The following PKP4 variants were observed in gnomAD, a reference collection of about 807,000 sequenced individuals.
The protein encoded by PKP4 is plakophilin 4, also known as plakophilin-4.
A neutral mutation model predicts 145.1 loss-of-function variants in PKP4; 90 were observed. The observed-to-expected ratio is 0.62, with a 90% CI of 0.52 to 0.74. PKP4 has a LOEUF of 0.74. Ranked by LOEUF, PKP4 falls within the 30% of genes least tolerant of loss-of-function variation. PKP4 has a pLI of 0.00. For synonymous variants in PKP4, 563 were observed against 577.2 expected (o/e 0.98, Z 0.35); for missense variants, 1,340 against 1,482.7 (o/e 0.90, Z 1.58).
chr2:158,475,737 C>A (rs1692362885), intron 1 of PKP4, among the ~76,000 whole-genome samples: 1 of 151,972 alleles, frequency 6.6e-6, no homozygotes, highest in Admixed American at 6.6e-5. Context: ...GAAGTAAGAC[C>A]CATTTGTTCA....
chr2:158,663,914 C>T (rs1377770610), intron 15 of PKP4, among the ~76,000 whole-genome samples: 1 of 152,190 alleles, frequency 6.6e-6, no homozygotes, highest in Non-Finnish European at 1.5e-5. Context: ...ACAGGGACAA[C>T]AGGAGGAGGA....
chr2:158,608,798 T>C (rs1292705987), intron 4 of PKP4, among the ~76,000 whole-genome samples: 2 of 116,144 alleles, frequency 1.7e-5, no homozygotes, highest in Admixed American at 2.3e-4. Context: ...AATCTTATTT[T>C]CTTTTCTTTC....
intron 10 of PKP4, 74 bp from the exon 11 acceptor site, chr2:158,642,412 C>A: frequency 1.8e-6 from 2 of 1,092,546 alleles, no homozygotes; most frequent in Non-Finnish European, 2.7e-6. Context: ...GTGATCTCTC[C>A]ATAACGGACT....
chr2:158,491,343 C>T (rs1382929529), intron 1 of PKP4, among the ~76,000 whole-genome samples: 1 of 152,172 alleles, frequency 6.6e-6, no homozygotes, highest in African/African-American at 2.4e-5. Context: ...CTGATACTCT[C>T]TAGAATGGCT....
At chr2:158,603,647 G>A (rs1281814636) in intron 4 of PKP4, among the ~76,000 whole-genome samples, 1 of 152,068 alleles carries the variant, frequency 6.6e-6, no homozygotes, top group Non-Finnish European at 1.5e-5. Flanking sequence ...ATAAATCGTT[G>A]ATGTCTTCAT....
chr2:158,531,153 A>G (rs757126939), intron 1 of PKP4, among the ~76,000 whole-genome samples: 2 of 152,186 alleles, frequency 1.3e-5, no homozygotes, highest in Non-Finnish European at 2.9e-5. Context: ...ACAGTGATGT[A>G]ATACAATTAC....
chr2:158,473,715 C>A (rs1691980413), intron 1 of PKP4, among the ~76,000 whole-genome samples: 1 of 152,036 alleles, frequency 6.6e-6, no homozygotes, highest in African/African-American at 2.4e-5. Flanking sequence ...GGACTTAATT[C>A]CTGGGTGATG....
In PKP4 at chr2:158,474,178, G is replaced by A. The variant is rs6715094; in HGVS notation, c.-6+16960G>A. Among the ~76,000 whole-genome samples the A allele has an allele frequency of 7.9e-3, 1,199 of 152,246 alleles. 9 individuals are homozygous for A. The highest frequency in any genetic ancestry group is 0.028 in the African/African-American group (1,153 of 41,540). ...ACGACAGATATTCTGCGTTTTACACGTTTGCTGCCCCTAGAGGTCTGAGCA... is the reference window on the plus strand; with the variant it reads ...ACGACAGATATTCTGCGTTTTACACATTTGCTGCCCCTAGAGGTCTGAGCA... On this transcript the variant is annotated intron_variant, in intron 1 of 21. Transcript: ENST00000389759.
chr2:158,596,895 A>C (rs2049803527), intron 3 of PKP4, among the ~76,000 whole-genome samples: 1 of 152,210 alleles, frequency 6.6e-6, no homozygotes, highest in Non-Finnish European at 1.5e-5. Context: ...TATAGTTCAT[A>C]TTCCATACCT....
chr2:158,472,561 A>G (rs1296685310), intron 1 of PKP4, among the ~76,000 whole-genome samples: 1 of 147,586 alleles, frequency 6.8e-6, no homozygotes, highest in African/African-American at 2.5e-5. Flanking sequence ...TGCAGTGAGC[A>G]GAGATCAAGC....
chr2:158,662,846 T>G lies in PKP4; in HGVS notation c.2212-51T>G, dbSNP rs770188409. ...CTGTAGTGTTCAGTACAGAAGTGTT[T>G]TGCTCTAATGTGCCGAGTTGTTTTT... is the stretch of plus-strand genomic sequence containing the variant. On this transcript the variant is annotated intron_variant, in intron 13 of 21. Coordinates refer to ENST00000389759, the MANE Select transcript of PKP4 (RefSeq NM_003628.6). The G allele has an allele frequency of 2.0e-6, 3 of 1,465,352 alleles. No homozygotes were observed. In the South Asian group the frequency reaches 3.8e-5, roughly 19 times the overall value. 90.8% of individuals were successfully genotyped at this position (1,465,352 alleles called of 1,614,324 possible). A position where few individuals can be genotyped will look rare whatever the true frequency, so the allele number is the denominator to read the frequency against.
At chr2:158,465,697 TG>T (rs1690502937) in intron 1 of PKP4, among the ~76,000 whole-genome samples, 1 of 152,198 alleles carries the variant, frequency 6.6e-6, no homozygotes, top group South Asian at 2.1e-4. Flanking sequence ...CTAGAATAAA[TG>T]GTCTCATTGA....
chr2:158,654,602 A>G lies in PKP4; in HGVS notation c.1910-3529A>G, dbSNP rs548766250. ...GATAGAATGGCAACTGGATTCTCCT[A>G]TCCCCGTAACTAAGATGGTGGTTTC... is the stretch of plus-strand genomic sequence containing the variant. On this transcript the variant is annotated intron_variant, in intron 11 of 21. Transcript: ENST00000389759. Among the ~76,000 whole-genome samples, 17 of 152,266 alleles carry G rather than the reference A, an allele frequency of 1.1e-4. No homozygotes were observed. In the South Asian group the frequency reaches 3.1e-3, roughly 28 times the overall value.
chr2:158,479,820 A>G (rs1462084156), intron 1 of PKP4, among the ~76,000 whole-genome samples: 1 of 152,212 alleles, frequency 6.6e-6, no homozygotes, highest in Non-Finnish European at 1.5e-5. Flanking sequence ...TTTCCAAGTC[A>G]TGACATGGAA....
intron 3 of PKP4, chr2:158,588,094 G>C (rs1317894727): frequency 6.6e-6 from 1 of 152,018 alleles, no homozygotes; most frequent in African/African-American, 2.4e-5. Flanking sequence ...TTCCATTGTT[G>C]AAGTTTTACA....
intron 1 of PKP4, among the ~76,000 whole-genome samples, chr2:158,513,059 A>G (rs2041648930): frequency 6.6e-6 from 1 of 152,134 alleles, no homozygotes; most frequent in East Asian, 1.9e-4. Flanking sequence ...GAGGGCAGGA[A>G]TCTGGGTTTT....
intron 1 of PKP4, among the ~76,000 whole-genome samples, chr2:158,459,624 T>G (rs1689447052): frequency 6.6e-6 from 1 of 152,190 alleles, no homozygotes; most frequent in Non-Finnish European, 1.5e-5. Flanking sequence ...GAGGTGTTTG[T>G]AAATGCCAAC....
chr2:158,641,033 C>A lies in PKP4; in HGVS notation c.1695+274C>A, dbSNP rs556697951. 7.2e-5 allele frequency among the ~76,000 whole-genome samples: 11 copies of A among 152,196 alleles called. 3 individuals are homozygous for A. The highest frequency in any genetic ancestry group is 2.6e-4 in the African/African-American group (11 of 41,542). On this transcript the variant is annotated intron_variant, in intron 10 of 21. Coordinates refer to ENST00000389759, the MANE Select transcript of PKP4 (RefSeq NM_003628.6). Reference sequence around the variant, plus strand: ...AACCATGAAGCAAAAATCAATTTAACTTGCATTTAAAAAATATTTTAGGCC... The same window carrying A: ...AACCATGAAGCAAAAATCAATTTAAATTGCATTTAAAAAATATTTTAGGCC...
At chr2:158,589,244 T>G (rs1039955840) in intron 3 of PKP4, among the ~76,000 whole-genome samples, 1 of 152,190 alleles carries the variant, frequency 6.6e-6, no homozygotes, top group Non-Finnish European at 1.5e-5. Context: ...TCATTTTTGG[T>G]CTTGGCGGTG....
Sources: allele counts gnomAD v4.1 joint callset (sites outside exome capture counted in the v4.1 genomes callset), GRCh38; gene constraint gnomAD v4.1.1; transcripts MANE v1.5; gene names NCBI Gene and HGNC (gene_info 2026-07-23, HGNC 2026-07-21).